The following ZC3HAV1 variants were observed in gnomAD, a reference collection of about 807,000 sequenced individuals.
The protein encoded by ZC3HAV1 is zinc finger CCCH-type containing, antiviral 1.
In ZC3HAV1, 41 loss-of-function variants were observed where a neutral mutation model predicts 86.6. That is an observed-to-expected ratio of 0.47 (90% CI 0.37 to 0.61). ZC3HAV1 has a LOEUF of 0.61. Among genes scored for constraint, ZC3HAV1 ranks in the 20% least tolerant of loss-of-function variants. The pLI is 0.00. For synonymous variants in ZC3HAV1, 421 were observed against 432.1 expected (o/e 0.97, Z 0.32); for missense variants, 964 against 1,141.1 (o/e 0.84, Z 2.24).
intron 3 of ZC3HAV1, among the ~76,000 whole-genome samples, chr7:139,083,203 G>C (rs1817176333): frequency 7.1e-6 from 1 of 140,900 alleles, no homozygotes; most frequent in South Asian, 2.3e-4. Context: ...AAAAAGCTTT[G>C]TTAATTAGTT....
At chr7:139,089,284 G>A (rs539784918) in intron 2 of ZC3HAV1, among the ~76,000 whole-genome samples, 5 of 151,962 alleles carry the variant, frequency 3.3e-5, no homozygotes, top group East Asian at 3.9e-4. Flanking sequence ...CATCTTCCCC[G>A]CCAACTTCCC....
At chr7:139,104,028 T>C (rs1301253803) in intron 1 of ZC3HAV1, among the ~76,000 whole-genome samples, 1 of 152,174 alleles carries the variant, frequency 6.6e-6, no homozygotes. Flanking sequence ...AAAATAACCT[T>C]AGGTCTGTTA....
rs187643022 is a variant in ZC3HAV1, at chr7:139,074,545, C to T, written c.1698-515G>A. ...TTTCACAGCAGGTTGAATAAAGAAG[C>T]GGATATGAGAATCTAGTTATCTTCT... On this transcript the variant is annotated intron_variant, in intron 6 of 12. Transcript: ENST00000242351. Among the ~76,000 whole-genome samples, 85 of 151,940 alleles carry T rather than the reference C, an allele frequency of 5.6e-4. 3 individuals carry two copies. In the East Asian group the frequency reaches 0.014, roughly 26 times the overall value.
chr7:139,092,588 G>T (rs950990652), intron 1 of ZC3HAV1, among the ~76,000 whole-genome samples: 2 of 152,184 alleles, frequency 1.3e-5, no homozygotes, highest in South Asian at 2.1e-4. Flanking sequence ...CACTTCCAGG[G>T]TCCCTGAAGT....
intron 9 of ZC3HAV1, among the ~76,000 whole-genome samples, chr7:139,059,171 T>G (rs1816376652): frequency 1.3e-5 from 2 of 152,182 alleles, no homozygotes; most frequent in South Asian, 4.1e-4. Context: ...ATCCTCCTAC[T>G]CTGCCTTTTT....
intron 9 of ZC3HAV1, among the ~76,000 whole-genome samples, chr7:139,056,366 C>T (rs909732048): frequency 1.4e-5 from 2 of 145,160 alleles, no homozygotes; most frequent in Admixed American, 6.8e-5. Context: ...ATCACCTAGT[C>T]GTTGTTTTTA....
rs1421287254 is a variant in ZC3HAV1, at chr7:139,108,500, G to A, written c.308+524C>T. On this transcript the variant is annotated intron_variant, in intron 1 of 12. Coordinates refer to ENST00000242351, the MANE Select transcript of ZC3HAV1 (RefSeq NM_020119.4). The surrounding 1 kb of genome is among the most constrained non-coding windows in gnomAD (Gnocchi z 4.2). ...CAGAAAAGCGGTGATGAGGGGCATG[G>A]GGGTGACCGGGAAGGGAGGGACAAG... Among the ~76,000 whole-genome samples the A allele has an allele frequency of 2.6e-5, 4 of 152,138 alleles. No homozygotes were observed. The highest frequency in any genetic ancestry group is 4.4e-5 in the Non-Finnish European group (3 of 68,022).
intron 1 of ZC3HAV1, among the ~76,000 whole-genome samples, chr7:139,105,313 G>C (rs982503445): frequency 3.3e-5 from 5 of 152,166 alleles, no homozygotes; most frequent in African/African-American, 1.2e-4. Context: ...AAGGCTCCAT[G>C]CCCGAGTTTC....
At chr7:139,087,505 G>T (rs1410389957) in intron 2 of ZC3HAV1, among the ~76,000 whole-genome samples, 1 of 151,934 alleles carries the variant, frequency 6.6e-6, no homozygotes, top group Non-Finnish European at 1.5e-5. Context: ...CAAGTATCTA[G>T]ATAGAAGAAT....
Position 139,053,512 on chromosome 7 carries a change from A to G in ZC3HAV1, c.2388T>C (p.Ser796=). 1.2e-6 allele frequency: 2 copies of G among 1,605,732 alleles called. No homozygotes were observed. The highest frequency in any genetic ancestry group is 1.7e-6 in the Non-Finnish European group (2 of 1,177,578). The change falls in exon 12 of 13, where the codon TCT becomes TCC. Residue 796 remains serine (S), a synonymous_variant. Transcript: ENST00000242351. Reference sequence around the variant, plus strand: ...AACTGTCAAAATTATTCGAACAGATAGATTCCACATAGGCACGGCTTGTCG... The same window carrying G: ...AACTGTCAAAATTATTCGAACAGATGGATTCCACATAGGCACGGCTTGTCG... The part of the protein sequence containing the change: ...FYATSRAYVE[S]ICSNNFDSFL...
intron 2 of ZC3HAV1, 53 bp from the exon 3 acceptor site, chr7:139,084,085 A>C: frequency 6.3e-7 from 1 of 1,589,424 alleles, no homozygotes; most frequent in Non-Finnish European, 8.6e-7. Context: ...TGTATTTGCC[A>C]AACATTCATT....
chr7:139,051,871 G>A (rs1016780352), intron 12 of ZC3HAV1, among the ~76,000 whole-genome samples: 10 of 152,046 alleles, frequency 6.6e-5, no homozygotes, highest in African/African-American at 2.4e-4. Context: ...TTGCCTTTTG[G>A]GGCAAGAATT....
At chr7:139,090,307 T>G (rs1163327184) in intron 1 of ZC3HAV1, among the ~76,000 whole-genome samples, 1 of 152,156 alleles carries the variant, frequency 6.6e-6, no homozygotes, top group African/African-American at 2.4e-5. Flanking sequence ...CTCCTTAGTG[T>G]GCTTAACTAT....
chr7:139,073,838 A>G lies in ZC3HAV1; in HGVS notation c.1872+18T>C. On this transcript the variant is annotated intron_variant, in intron 7 of 12. Coordinates refer to ENST00000242351, the MANE Select transcript of ZC3HAV1 (RefSeq NM_020119.4). ...CAAGTTTAAACAAGAGCCCCCTACA[A>G]GGAGGAACAGTGCTCACCTCTTCTC... The G allele has an allele frequency of 6.3e-7, 1 of 1,589,764 alleles. No homozygotes were observed. The highest frequency in any genetic ancestry group is 8.6e-7 in the Non-Finnish European group (1 of 1,165,974).
At chr7:139,065,926 T>A (rs1410729181) in intron 7 of ZC3HAV1, among the ~76,000 whole-genome samples, 1 of 151,746 alleles carries the variant, frequency 6.6e-6, no homozygotes, top group Admixed American at 6.6e-5. Flanking sequence ...AAAGAAGGGA[T>A]AAGGCATAAC....
At chr7:139,066,948 G>C (rs901963883) in intron 7 of ZC3HAV1, among the ~76,000 whole-genome samples, 6 of 152,244 alleles carry the variant, frequency 3.9e-5, no homozygotes, top group African/African-American at 1.4e-4. Context: ...GGGAAAGTTG[G>C]GGATGATTTA....
At chr7:139,059,918 T>C (rs1816396594) in intron 9 of ZC3HAV1, among the ~76,000 whole-genome samples, 2 of 152,182 alleles carry the variant, frequency 1.3e-5, no homozygotes, top group African/African-American at 4.8e-5. Context: ...GAAGGTATTA[T>C]TATTAAGCCC....
chr7:139,080,841 AT>A, intron 3 of ZC3HAV1, among the ~76,000 whole-genome samples: 1 of 152,272 alleles, frequency 6.6e-6, no homozygotes, highest in Middle Eastern at 3.4e-3. Context: ...AAAGCATTCG[AT>A]TTTGCCCATA....
rs1387959860 is a variant in ZC3HAV1, at chr7:139,097,412, A to AT, written c.309-7654dup. On this transcript the variant is annotated intron_variant, in intron 1 of 12. Transcript: ENST00000242351. ...AAATATTGGAACTCCATATATATAT[A>AT]TATATATATATATATATTTTTTTTT... Among the ~76,000 whole-genome samples the AT allele has an allele frequency of 6.4e-3, 473 of 74,304 alleles. 19 individuals carry two copies. The highest frequency in any genetic ancestry group is 8.6e-3 in the Non-Finnish European group (361 of 42,174). 48.7% of individuals were successfully genotyped at this position (74,304 alleles called of 152,430 possible).
Sources: allele counts gnomAD v4.1 joint callset (sites outside exome capture counted in the v4.1 genomes callset), GRCh38; gene constraint gnomAD v4.1.1; non-coding constraint Gnocchi (gnomAD v3.1); transcripts MANE v1.5; gene names NCBI Gene and HGNC (gene_info 2026-07-23, HGNC 2026-07-21).